Variants in ATP8A2 observed in about 807,000 individuals in gnomAD.
The protein encoded by ATP8A2 is phospholipid-transporting ATPase IB.
In ATP8A2, 100 loss-of-function variants were observed where a neutral mutation model predicts 165.6. The observed-to-expected ratio is 0.60, with a 90% CI of 0.51 to 0.71. The LOEUF (loss-of-function observed/expected upper bound fraction) is 0.71. Ranked by LOEUF, ATP8A2 falls within the 30% of genes least tolerant of loss-of-function variation. The pLI, the probability that ATP8A2 is intolerant of heterozygous loss-of-function variation, is 0.00. For synonymous variants in ATP8A2, 543 were observed against 548.8 expected (o/e 0.99, Z 0.15); for missense variants, 1,227 against 1,479.5 (o/e 0.83, Z 2.80).
intron 2 of ATP8A2, among the ~76,000 whole-genome samples, chr13:25,489,737 A>T (rs2036465093): frequency 6.6e-6 from 1 of 152,240 alleles, no homozygotes; most frequent in South Asian, 2.1e-4. Flanking sequence ...TGCTTATTGA[A>T]CAAAGTAGAA....
At chr13:25,844,387 TGCCCG>T (rs1241089684) in intron 30 of ATP8A2, among the ~76,000 whole-genome samples, 11 of 152,002 alleles carry the variant, frequency 7.2e-5, no homozygotes, top group Admixed American at 5.9e-4. Context: ...CATGCCACCA[TGCCCG>T]GCTAATTTTT....
chr13:25,939,360 C>T (rs2139101307), intron 33 of ATP8A2, among the ~76,000 whole-genome samples: 1 of 152,248 alleles, frequency 6.6e-6, no homozygotes, highest in African/African-American at 2.4e-5. Flanking sequence ...TTTTTGTAAA[C>T]ATTTTTTAGT....
chr13:25,961,447 G>A (rs1955658101), intron 33 of ATP8A2, 128 bp from the exon 34 acceptor site: 1 of 731,142 alleles, frequency 1.4e-6, no homozygotes, highest in East Asian at 2.7e-5. Flanking sequence ...CAGTGCATGG[G>A]TTACCTCTCA....
chr13:25,916,123 G>A (rs1220558163), intron 33 of ATP8A2, among the ~76,000 whole-genome samples: 1 of 152,220 alleles, frequency 6.6e-6, no homozygotes, highest in Non-Finnish European at 1.5e-5. Context: ...TTAAATACAG[G>A]AAGGGAAATG....
intron 1 of ATP8A2, among the ~76,000 whole-genome samples, chr13:25,382,844 C>G (rs886772045): frequency 4.6e-5 from 7 of 151,888 alleles, no homozygotes; most frequent in Non-Finnish European, 1.0e-4. Flanking sequence ...CAAGCTCCGC[C>G]TCCCGGGTTC....
At position 25,759,346 on chromosome 13, in the gene ATP8A2, G is replaced by A. The variant is rs369702194; in HGVS notation, c.2385-9700G>A. ...TCTCCGTTGTCATTAATTTTCAGCC[G>A]TGCATGAGCTCACGATGCCTGGTCC... On this transcript the variant is annotated intron_variant, in intron 25 of 36. Transcript: ENST00000381655. Among the ~76,000 whole-genome samples, 37 of 152,256 alleles carry A rather than the reference G, an allele frequency of 2.4e-4. No homozygotes were observed. The East Asian group carries it at 3.5e-3, about 14-fold the overall frequency.
At chr13:25,842,121 T>C (rs1002133798) in intron 30 of ATP8A2, among the ~76,000 whole-genome samples, 1 of 152,154 alleles carries the variant, frequency 6.6e-6, no homozygotes, top group Admixed American at 6.5e-5. Flanking sequence ...AGGTAAAAAA[T>C]AGCTGTTTCA....
At chr13:25,484,373 GTTTGGGACCATCAACTT>G (rs2036291942) in intron 2 of ATP8A2, among the ~76,000 whole-genome samples, 1 of 151,834 alleles carries the variant, frequency 6.6e-6, no homozygotes, top group South Asian at 2.1e-4. Flanking sequence ...CTTCCATCTT[GTTTGGGACCATCAACTT>G]TTTGGCTCTG....
intron 25 of ATP8A2, among the ~76,000 whole-genome samples, chr13:25,705,691 T>C (rs1247203320): frequency 6.6e-6 from 1 of 152,158 alleles, no homozygotes; most frequent in Non-Finnish European, 1.5e-5. Flanking sequence ...TTGTAAAAAA[T>C]TAGAAAATAC....
At chr13:25,467,467 G>A (rs1004916663) in intron 1 of ATP8A2, among the ~76,000 whole-genome samples, 9 of 152,088 alleles carry the variant, frequency 5.9e-5, no homozygotes, top group Non-Finnish European at 1.3e-4. Context: ...ATGATGTAGC[G>A]AAAACTTTCT....
At chr13:25,895,589 A>T (rs1414391698) in intron 33 of ATP8A2, among the ~76,000 whole-genome samples, 2 of 152,090 alleles carry the variant, frequency 1.3e-5, no homozygotes, top group Non-Finnish European at 2.9e-5. Context: ...TATTGATTGG[A>T]ATAGTTTCAG....
At chr13:25,736,670 A>G (rs1201841254) in intron 25 of ATP8A2, among the ~76,000 whole-genome samples, 1 of 152,228 alleles carries the variant, frequency 6.6e-6, no homozygotes, top group African/African-American at 2.4e-5. Flanking sequence ...TGGACAGTAC[A>G]TGAATGAATG....
In ATP8A2 at chr13:25,862,284, T is replaced by A; in HGVS notation, c.3076-17T>A. The A allele has an allele frequency of 6.2e-7, 1 of 1,603,848 alleles. No individual in the cohort carries two copies. The highest frequency in any genetic ancestry group is 8.5e-7 in the Non-Finnish European group (1 of 1,171,004). On this transcript the variant is annotated splice_polypyrimidine_tract_variant and intron_variant, in intron 32 of 36. Coordinates refer to ENST00000381655, the MANE Select transcript of ATP8A2 (RefSeq NM_016529.6). ...GCTGGTCGAGAAGCCTGTCTGAGTG[T>A]CTATTTCCCTCTGCAGTTCAGTCAT...
chr13:25,778,418 A>G (rs1030698614), intron 27 of ATP8A2, among the ~76,000 whole-genome samples: 13 of 152,228 alleles, frequency 8.5e-5, no homozygotes, highest in African/African-American at 3.1e-4. Flanking sequence ...GAACAAAATT[A>G]TGCAATACAT....
At chr13:25,589,804 AT>A (rs1286681538) in intron 24 of ATP8A2, 105 bp downstream of exon 24, 8 of 690,248 alleles carry the variant, frequency 1.2e-5, no homozygotes, top group African/African-American at 5.5e-5. Flanking sequence ...AAAAACAGTT[AT>A]GAAAAAACTG....
rs1439240732 is a variant in ATP8A2 at position 25,933,220 on chromosome 13, T to C, written c.3184-28355T>C. ...CTTCTTCTACAGATGCCAGATAACA[T>C]GGCAGGGCCAGCTCAGTTTCCCATC... On this transcript the variant is annotated intron_variant, in intron 33 of 36. Coordinates refer to ENST00000381655, the MANE Select transcript of ATP8A2 (RefSeq NM_016529.6). Among the ~76,000 whole-genome samples, 3 of 152,196 alleles carry C rather than the reference T, an allele frequency of 2.0e-5. No individual in the cohort carries two copies. The South Asian group carries it at 6.2e-4, about 32-fold the overall frequency.
At chr13:25,572,074 A>G (rs577265824) in intron 18 of ATP8A2, among the ~76,000 whole-genome samples, 2 of 152,302 alleles carry the variant, frequency 1.3e-5, no homozygotes, top group East Asian at 3.9e-4. Context: ...GAAGCCTCAC[A>G]GTCCACTGGG....
chr13:25,448,724 A>G (rs1044053472), intron 1 of ATP8A2, among the ~76,000 whole-genome samples: 6 of 152,204 alleles, frequency 3.9e-5, no homozygotes, highest in Non-Finnish European at 8.8e-5. Flanking sequence ...ATCTTGGCTC[A>G]CTGCCACCTC....
intron 35 of ATP8A2, among the ~76,000 whole-genome samples, chr13:26,000,244 T>C (rs946489161): frequency 6.6e-6 from 1 of 152,216 alleles, no homozygotes; most frequent in African/African-American, 2.4e-5. Context: ...AATTTAAAAA[T>C]AAGTTTCTAA....
Sources: gnomAD v4.1 joint callset for allele counts (sites outside exome capture counted in the v4.1 genomes callset) on GRCh38, gnomAD v4.1.1 for gene constraint, MANE v1.5 for transcripts, NCBI Gene and HGNC (gene_info 2026-07-23, HGNC 2026-07-21) for gene names.